The following CSMD3 variants were observed in gnomAD, a reference collection of about 807,000 sequenced individuals.
CSMD3 encodes the protein CUB and sushi domain-containing protein 3.
In CSMD3, 177 loss-of-function variants were observed where a neutral mutation model predicts 435.2. The ratio of observed to expected loss-of-function variants is 0.41; its 90% confidence interval spans 0.36 to 0.46. The LOEUF is 0.46. CSMD3 is among the 20% of genes least tolerant of loss of function. The pLI is 0.34. For missense variants in CSMD3, 4,265 were observed against 4,504.6 expected (o/e 0.95, Z 1.52); for synonymous variants, 1,656 against 1,520.5 (o/e 1.09, Z -2.07).
intron 60 of CSMD3, among the ~76,000 whole-genome samples, chr8:112,264,559 T>C (rs942897235): frequency 6.6e-6 from 1 of 152,066 alleles, no homozygotes; most frequent in Non-Finnish European, 1.5e-5. Flanking sequence ...TATGAATTAA[T>C]AAGTGTATAG....
chr8:112,676,317 A>C (rs373993125), intron 16 of CSMD3, among the ~76,000 whole-genome samples: 26 of 152,234 alleles, frequency 1.7e-4, no homozygotes, highest in African/African-American at 6.3e-4. Context: ...AGAGAGCAGA[A>C]CATATCCAAA....
At chr8:112,760,234 G>A (rs1433866476) in intron 13 of CSMD3, among the ~76,000 whole-genome samples, 1 of 152,152 alleles carries the variant, frequency 6.6e-6, no homozygotes, top group East Asian at 1.9e-4. Context: ...TTAGCAAAGT[G>A]AGATGAATTA....
At chr8:112,608,511 T>C (rs889537702) in intron 22 of CSMD3, among the ~76,000 whole-genome samples, 3 of 152,056 alleles carry the variant, frequency 2.0e-5, no homozygotes, top group Non-Finnish European at 4.4e-5. Context: ...GATGGCATCA[T>C]ACTTCCTGGT....
chr8:113,379,765 A>C (rs1057048850), intron 1 of CSMD3, among the ~76,000 whole-genome samples: 1 of 152,226 alleles, frequency 6.6e-6, no homozygotes, highest in Non-Finnish European at 1.5e-5. Context: ...TTTATTTTAT[A>C]GCTACAAAAC....
At chr8:112,516,398 A>G (rs1823675357) in intron 28 of CSMD3, among the ~76,000 whole-genome samples, 1 of 152,156 alleles carries the variant, frequency 6.6e-6, no homozygotes, top group Non-Finnish European at 1.5e-5. Context: ...GATATAGCAT[A>G]TTTTCTAACT....
intron 11 of CSMD3, among the ~76,000 whole-genome samples, chr8:112,831,570 TC>T (rs1290536821): frequency 8.2e-5 from 12 of 145,836 alleles, no homozygotes; most frequent in African/African-American, 2.5e-4. Context: ...TTTTTTTTTT[TC>T]GCATTTTCCT....
rs187935384 is a variant in CSMD3 at position 112,554,899 on chromosome 8, G to A, written c.4234+1864C>T. Among the ~76,000 whole-genome samples the A allele has an allele frequency of 3.6e-3, 542 of 152,042 alleles. 2 individuals are homozygous for A. The highest frequency in any genetic ancestry group is 0.012 in the African/African-American group (519 of 41,528). On this transcript the variant is annotated intron_variant, in intron 25 of 70. Coordinates refer to ENST00000297405, the MANE Select transcript of CSMD3 (RefSeq NM_198123.2). ...CTTATTTGACTGAGGCTAAAACATA[G>A]CTGTAGAAGATATTTAAGGTTAATG... is the stretch of plus-strand genomic sequence containing the variant.
intron 12 of CSMD3, among the ~76,000 whole-genome samples, chr8:112,803,557 T>G (rs2079009323): frequency 6.6e-6 from 1 of 152,192 alleles, no homozygotes; most frequent in Admixed American, 6.5e-5. Context: ...TATAAAAGAC[T>G]GTCCCCACAT....
At chr8:112,657,853 A>G (rs1457640797) in intron 17 of CSMD3, among the ~76,000 whole-genome samples, 6 of 152,252 alleles carry the variant, frequency 3.9e-5, no homozygotes, top group South Asian at 2.1e-4. Context: ...TACTGCCACA[A>G]TTTACTGTGG....
At chr8:113,196,144 C>T (rs980709270) in intron 3 of CSMD3, among the ~76,000 whole-genome samples, 2 of 150,984 alleles carry the variant, frequency 1.3e-5, no homozygotes, top group South Asian at 4.2e-4. Flanking sequence ...CTCTCTTAAG[C>T]TATTAGCTAT....
chr8:112,273,280 G>A (rs1817693859), intron 59 of CSMD3, among the ~76,000 whole-genome samples: 1 of 132,176 alleles, frequency 7.6e-6, no homozygotes, highest in Non-Finnish European at 1.7e-5. Context: ...GTTATTCATT[G>A]TAAAAAAAAA....
At chr8:113,122,118 C>T (rs1010376392) in intron 4 of CSMD3, among the ~76,000 whole-genome samples, 1 of 152,088 alleles carries the variant, frequency 6.6e-6, no homozygotes, top group Non-Finnish European at 1.5e-5. Context: ...ACCTTCATTT[C>T]TACTCAAAGT....
intron 4 of CSMD3, among the ~76,000 whole-genome samples, chr8:113,126,123 C>A (rs923650601): frequency 6.6e-6 from 1 of 151,902 alleles, no homozygotes; most frequent in African/African-American, 2.4e-5. Flanking sequence ...TTCGAATTGA[C>A]TAAACTTTTT....
chr8:113,388,492 C>T (rs776298436), intron 1 of CSMD3, among the ~76,000 whole-genome samples: 22 of 151,498 alleles, frequency 1.5e-4, no homozygotes, highest in Non-Finnish European at 3.0e-4. Flanking sequence ...TTATTTAGTA[C>T]CTTTTTTAGC....
At chr8:112,900,299 T>G (rs2082077354) in intron 10 of CSMD3, among the ~76,000 whole-genome samples, 2 of 151,276 alleles carry the variant, frequency 1.3e-5, no homozygotes, top group Admixed American at 1.3e-4. Flanking sequence ...TTCAAGAATG[T>G]TTGTATAGAA....
chr8:113,300,162 C>CAAAAAAAAAAAAAAAAAAA (rs34291122), intron 2 of CSMD3, among the ~76,000 whole-genome samples: 1 of 116,604 alleles, frequency 8.6e-6, no homozygotes. Context: ...TCAAAAAAGT[C>CAAAAAAAAAAAAAAAAAAA]AAAAAAAAAA....
chr8:113,208,043 G>C (rs2092791080), intron 3 of CSMD3, among the ~76,000 whole-genome samples: 1 of 152,034 alleles, frequency 6.6e-6, no homozygotes, highest in Non-Finnish European at 1.5e-5. Context: ...TGCAGAATTA[G>C]GTTCAGTGAT....
At position 112,314,602 on chromosome 8, in the gene CSMD3, T is replaced by A. The variant is rs535477115; in HGVS notation, c.7376A>T (p.Asn2459Ile). ...PPVCQVLCPA[N>I]ELRLDSTGVI... Reference sequence around the variant, plus strand: ...TCCAGTAGAATCTAGCCGTAATTCATTGGCAGGACAGAGCACTGTCAAAGA... The same window carrying A: ...TCCAGTAGAATCTAGCCGTAATTCAATGGCAGGACAGAGCACTGTCAAAGA... Residue 2459 changes from asparagine (N) to isoleucine (I), a missense_variant, in exon 48 of 71, where the codon AAT (asparagine) becomes ATT (isoleucine). Physicochemically the swap from Asn to Ile is moderately radical, Grantham distance 149. Coordinates refer to ENST00000297405, the MANE Select transcript of CSMD3 (RefSeq NM_198123.2). 23 of 1,612,278 alleles carry A rather than the reference T, an allele frequency of 1.4e-5. No individual in the cohort carries two copies. Among genetic ancestry groups the A allele is most frequent in the Non-Finnish European group, 2.0e-5 (23 of 1,178,556 alleles).
intron 3 of CSMD3, among the ~76,000 whole-genome samples, chr8:113,273,398 G>A (rs2093545513): frequency 6.6e-6 from 1 of 151,842 alleles, no homozygotes; most frequent in African/African-American, 2.4e-5. Flanking sequence ...TGATAACCAA[G>A]ATCGGAAAAT....
Sources: allele counts gnomAD v4.1 joint callset (sites outside exome capture counted in the v4.1 genomes callset), GRCh38; gene constraint gnomAD v4.1.1; transcripts MANE v1.5; gene names NCBI Gene and HGNC (gene_info 2026-07-23, HGNC 2026-07-21).